The following RAD51B variants were observed in gnomAD, a reference collection of about 807,000 sequenced individuals.
The protein encoded by RAD51B is RAD51 paralog B, also known as DNA repair protein RAD51 homolog 2.
Under a neutral mutation model 42.2 loss-of-function variants are expected in RAD51B, and 38 were observed. The ratio of observed to expected loss-of-function variants is 0.90; its 90% CI spans 0.70 to 1.18. RAD51B has a LOEUF of 1.18. Ranked by LOEUF, RAD51B falls within the 50% of genes most tolerant of loss-of-function variation. The pLI, the probability that RAD51B is intolerant of heterozygous loss-of-function variation, is 0.00. For synonymous variants in RAD51B, 154 were observed against 145.2 expected (o/e 1.06, Z -0.43); for missense variants, 373 against 400.7 (o/e 0.93, Z 0.59).
At chr14:68,021,671 T>A (rs1729924596) in intron 7 of RAD51B, among the ~76,000 whole-genome samples, 1 of 152,190 alleles carries the variant, frequency 6.6e-6, no homozygotes, top group Admixed American at 6.5e-5. Context: ...ATATTGTGGG[T>A]TCAGTTCCAG....
chr14:67,996,228 T>A (rs1778885769), intron 7 of RAD51B, among the ~76,000 whole-genome samples: 2 of 151,734 alleles, frequency 1.3e-5, no homozygotes, highest in South Asian at 2.1e-4. Context: ...AGACCCGGCC[T>A]CTACACAAAA....
rs200502364 is a variant in RAD51B at position 68,673,929 on chromosome 14, GCA to G, written c.*11+23084_*11+23085del. On this transcript the variant is annotated intron_variant, in intron 11 of 11. Transcript: ENST00000488612. ...ACTGTACACACACATATGTATATGTGCACACACACACATACTGTACACACACA... is the reference window on the plus strand; with the variant it reads ...ACTGTACACACACATATGTATATGTGCACACACACATACTGTACACACACA... 3.8e-3 allele frequency among the ~76,000 whole-genome samples: 561 copies of G among 146,308 alleles called. 5 individuals are homozygous for G. Among genetic ancestry groups the G allele is most frequent in the African/African-American group, 0.011 (429 of 39,332 alleles).
In RAD51B at chr14:68,256,598, C is replaced by T. The variant is rs17105266; in HGVS notation, c.757-35286C>T. On this transcript the variant is annotated intron_variant, in intron 7 of 10. Coordinates refer to ENST00000471583, the MANE Select transcript of RAD51B (RefSeq NM_133510.4). ...AAGTCACACTGCTTGGTTGATCTGT[C>T]GTGACATCCTAATATTTTCTCTCAA... Among the ~76,000 whole-genome samples the T allele has an allele frequency of 1.4e-3, 216 of 152,260 alleles. 1 individual carries two copies. Among genetic ancestry groups the T allele is most frequent in the Non-Finnish European group, 2.3e-3 (155 of 68,022 alleles).
chr14:68,177,025 G>A (rs931432125), intron 7 of RAD51B, among the ~76,000 whole-genome samples: 7 of 152,132 alleles, frequency 4.6e-5, no homozygotes, highest in African/African-American at 1.7e-4. Flanking sequence ...CACAAAATGA[G>A]CAAAGGAGTC....
intron 10 of RAD51B, among the ~76,000 whole-genome samples, chr14:68,571,850 C>G (rs1042629439): frequency 6.6e-6 from 1 of 152,028 alleles, no homozygotes. Context: ...GGCTCAGGTC[C>G]TCACCTGAGA....
At chr14:68,382,383 T>TGAGA (rs1440905513) in intron 8 of RAD51B, among the ~76,000 whole-genome samples, 10 of 152,134 alleles carry the variant, frequency 6.6e-5, no homozygotes, top group African/African-American at 2.2e-4. Flanking sequence ...TCACTCAAGG[T>TGAGA]TTTATCTTTG....
intron 10 of RAD51B, among the ~76,000 whole-genome samples, chr14:68,494,786 T>G (rs1884375580): frequency 6.6e-6 from 1 of 151,976 alleles, no homozygotes; most frequent in African/African-American, 2.4e-5. Flanking sequence ...TAACTCTTTA[T>G]CCAGTTAATG....
intron 10 of RAD51B, among the ~76,000 whole-genome samples, chr14:68,552,210 TG>T (rs1888610896): frequency 6.6e-6 from 1 of 152,208 alleles, no homozygotes; most frequent in Non-Finnish European, 1.5e-5. Flanking sequence ...TCTGCTTGCC[TG>T]GCCTGAGGGT....
rs190578268 is a variant in RAD51B, at chr14:67,863,753, A to T, written c.316-1250A>T. On this transcript the variant is annotated intron_variant, in intron 4 of 10. Coordinates refer to ENST00000471583, the MANE Select transcript of RAD51B (RefSeq NM_133510.4). ...TAATGTGACAAATAGCATGTGTTTA[A>T]AGGAGATATTTCTAAACATTTTCAA... 9.0e-4 allele frequency among the ~76,000 whole-genome samples: 137 copies of T among 152,332 alleles called. 1 individual carries two copies. The highest frequency in any genetic ancestry group is 5.9e-4 in the Admixed American group (9 of 15,298).
At chr14:67,937,801 A>G (rs561454321) in intron 7 of RAD51B, among the ~76,000 whole-genome samples, 12 of 146,130 alleles carry the variant, frequency 8.2e-5, no homozygotes, top group African/African-American at 2.8e-4. Flanking sequence ...TTGAAATACA[A>G]TGGTAATAGT....
At chr14:68,137,106 C>T (rs1595453576) in intron 7 of RAD51B, among the ~76,000 whole-genome samples, 1 of 152,090 alleles carries the variant, frequency 6.6e-6, no homozygotes, top group Non-Finnish European at 1.5e-5. Flanking sequence ...TAAAACTCTG[C>T]CTCTACTAAA....
chr14:68,337,827 A>C (rs957662706), intron 8 of RAD51B, among the ~76,000 whole-genome samples: 4 of 152,174 alleles, frequency 2.6e-5, no homozygotes, highest in Non-Finnish European at 5.9e-5. Context: ...GCTGGAGTGC[A>C]GTGACATGAT....
intron 5 of RAD51B, among the ~76,000 whole-genome samples, chr14:67,875,144 A>G (rs2140022516): frequency 6.6e-6 from 1 of 152,316 alleles, no homozygotes; most frequent in East Asian, 1.9e-4. Context: ...GTAGAAGTGG[A>G]TATTCCTGAG....
chr14:68,196,132 A>G (rs1475296761), intron 7 of RAD51B, among the ~76,000 whole-genome samples: 1 of 150,594 alleles, frequency 6.6e-6, no homozygotes, highest in Non-Finnish European at 1.5e-5. Flanking sequence ...TGGAGCTTGC[A>G]GTAAGCAGAG....
At chr14:67,969,317 A>G (rs910516862) in intron 7 of RAD51B, among the ~76,000 whole-genome samples, 2 of 152,174 alleles carry the variant, frequency 1.3e-5, no homozygotes, top group Non-Finnish European at 2.9e-5. Context: ...ACTGTCTTAG[A>G]AACACTTGTT....
intron 8 of RAD51B, among the ~76,000 whole-genome samples, chr14:68,368,735 G>A (rs1175748832): frequency 1.3e-5 from 2 of 152,298 alleles, no homozygotes; most frequent in South Asian, 2.1e-4. Flanking sequence ...ATTGTCTAAA[G>A]TCCTAACACA....
intron 7 of RAD51B, among the ~76,000 whole-genome samples, chr14:67,960,029 G>C (rs1316943969): frequency 6.6e-6 from 1 of 151,826 alleles, no homozygotes. Context: ...AGGTTGCAAT[G>C]AGCTGAGATC....
intron 5 of RAD51B, among the ~76,000 whole-genome samples, chr14:67,879,675 G>T (rs1259424389): frequency 6.6e-6 from 1 of 152,174 alleles, no homozygotes; most frequent in South Asian, 2.1e-4. Context: ...GAGTGGCGTT[G>T]TTTTATGTTT....
At chr14:68,315,679 G>A (rs1246735641) in intron 8 of RAD51B, among the ~76,000 whole-genome samples, 2 of 151,922 alleles carry the variant, frequency 1.3e-5, no homozygotes, top group African/African-American at 2.4e-5. Flanking sequence ...CCGCCACCAC[G>A]CCCGGCTAAT....
Sources: allele counts gnomAD v4.1 joint callset (sites outside exome capture counted in the v4.1 genomes callset), GRCh38; gene constraint gnomAD v4.1.1; transcripts MANE v1.5; gene names NCBI Gene and HGNC (gene_info 2026-07-23, HGNC 2026-07-21).